YOD1: variants seen among roughly 807,000 people sequenced by gnomAD.
YOD1 encodes YOD1 deubiquitinase.
A neutral mutation model predicts 23.7 loss-of-function variants in YOD1; 17 were observed. The ratio of observed to expected loss-of-function variants is 0.72; its 90% CI spans 0.49 to 1.07. The LOEUF (loss-of-function observed/expected upper bound fraction) is 1.07, where lower values mean the gene tolerates loss of function less well. Ranked by LOEUF, YOD1 falls within the 50% of genes least tolerant of loss-of-function variation. YOD1 has a pLI of 0.00. For synonymous variants in YOD1, 191 were observed against 169.6 expected, an observed-to-expected ratio of 1.13 and a Z score of -0.98; for missense variants, 413 against 447.2, an observed-to-expected ratio of 0.92 and a Z score of 0.69.
chr1:207,050,905 C>T lies in YOD1; in HGVS notation c.126G>A (p.Arg42=), dbSNP rs1340235766. ...AGCGGAGCCGCCACATCGTGTCGGT[C>T]CGGCTGCCCACAGGCCAGGCACCCG... The part of the protein sequence containing the change: ...GPAGAWPVGS[R]TDTMWRLRCK... Residue 42 remains arginine, a synonymous_variant, in exon 1 of 2, where the codon CGG becomes CGA. Coordinates refer to ENST00000315927, the MANE Select transcript of YOD1 (RefSeq NM_018566.4). The T allele has an allele frequency of 2.5e-6, 4 of 1,606,156 alleles. 1 individual carries two copies. The South Asian group carries it at 4.4e-5, about 18-fold the overall frequency.
upstream of YOD1, among the ~76,000 whole-genome samples, chr1:207,052,479 T>C (rs77055190): frequency 4.6e-5 from 7 of 152,228 alleles, no homozygotes; most frequent in East Asian, 1.4e-3. Flanking sequence ...CTCATCAATA[T>C]GGAGAAACCC....
At chr1:207,052,184 C>T (rs776089105), upstream of YOD1, 2 of 1,612,648 alleles carry the variant, frequency 1.2e-6, no homozygotes, top group East Asian at 2.2e-5. Context: ...TGCAAACTCA[C>T]CTCCACTGTA....
In YOD1 at chr1:207,048,911, G is replaced by A. The variant is rs1202538159; in HGVS notation, c.*109C>T. On this transcript the variant is annotated 3_prime_UTR_variant, in exon 2 of 2. Coordinates refer to ENST00000315927, the MANE Select transcript of YOD1 (RefSeq NM_018566.4). ...CTTAGTGGTTTTAAGTTAAAAGGAT[G>A]GTTCAAGCATTGTATCCTTTGTTCT... 12 of 998,516 alleles carry A rather than the reference G, an allele frequency of 1.2e-5. No homozygotes were observed. Among genetic ancestry groups the A allele is most frequent in the Non-Finnish European group, 1.8e-5 (12 of 673,480 alleles). 61.9% of individuals were successfully genotyped at this position (998,516 alleles called of 1,614,324 possible).
Position 207,051,057 on chromosome 1 carries a change from T to G in YOD1, c.-27A>C, listed in dbSNP as rs1335622801. ...GCGAGAAGTTGCGGGTGGTTGCAGT[T>G]ATCGCGACGCTTCGGTGCGGCTTCT... On this transcript the variant is annotated 5_prime_UTR_variant, in exon 1 of 2. Coordinates refer to ENST00000315927, the MANE Select transcript of YOD1 (RefSeq NM_018566.4). 6.8e-7 allele frequency: 1 copy of G among 1,475,998 alleles called. No homozygotes were observed. 91.4% of individuals were successfully genotyped at this position (1,475,998 alleles called of 1,614,324 possible). A position where few individuals can be genotyped will look rare whatever the true frequency, so the allele number is the denominator to read the frequency against.
In YOD1 at chr1:207,046,427, G is replaced by A. The variant is rs1300962991; in HGVS notation, c.*2593C>T. On this transcript the variant is annotated 3_prime_UTR_variant, in exon 2 of 2. Coordinates refer to ENST00000315927, the MANE Select transcript of YOD1 (RefSeq NM_018566.4). The stretch of plus-strand genomic sequence containing the variant: ...AGCAAACCCCTGTAAATTCTGTGAG[G>A]CTTAAAAGCTTGAGTTTAGAATGAG... 2 of 151,972 alleles carry A rather than the reference G, an allele frequency of 1.3e-5. No individual in the cohort carries two copies. The highest frequency in any genetic ancestry group is 3.8e-4 in the East Asian group (2 of 5,198). 9.4% of individuals were successfully genotyped at this position (151,972 alleles called of 1,614,324 possible). A position where few individuals can be genotyped will look rare whatever the true frequency, so the allele number is the denominator to read the frequency against.
At chr1:207,052,989 G>C (rs775226539), upstream of YOD1, 1 of 152,174 alleles carries the variant, frequency 6.6e-6, no homozygotes, top group African/African-American at 2.4e-5. Context: ...CTACTCTCGC[G>C]AGAGTCAGAA....
chr1:207,049,398 T>C lies in YOD1; in HGVS notation c.669A>G (p.Ile223Met). Residue 223 changes from isoleucine (I) to methionine (M), a missense_variant, in exon 2 of 2, where the codon ATA (isoleucine) becomes ATG (methionine). Ile to Met is a conservative substitution (Grantham distance 10, BLOSUM62 1). Coordinates refer to ENST00000315927, the MANE Select transcript of YOD1 (RefSeq NM_018566.4). ...AAAACTTGGACAAAATCGATATCTCTATTGCTCCTCCCCAAGTGTCATCCC... is the reference window on the plus strand; with the variant it reads ...AAAACTTGGACAAAATCGATATCTCCATTGCTCCTCCCCAAGTGTCATCCC... ...IKRDDTWGGA[I>M]EISILSKFYQ... 1 of 1,614,170 alleles carries C rather than the reference T, an allele frequency of 6.2e-7. No individual in the cohort carries two copies. Among genetic ancestry groups the C allele is most frequent in the South Asian group, 1.1e-5 (1 of 91,088 alleles).
At chr1:207,052,243 C>T (rs1682770968), upstream of YOD1, 2 of 1,611,492 alleles carry the variant, frequency 1.2e-6, no homozygotes, top group Non-Finnish European at 1.7e-6. Context: ...CATCTTTTCA[C>T]ATCTTTCATG....
Position 207,051,094 on chromosome 1 carries a change from T to C in YOD1, c.-64A>G. 1 of 1,437,994 alleles carries C rather than the reference T, an allele frequency of 7.0e-7. No homozygotes were observed. The highest frequency in any genetic ancestry group is 1.5e-5 in the South Asian group (1 of 68,764). The allele number at this position is 1,437,994 out of a possible 1,614,324, so 89.1% of individuals were successfully genotyped here. On this transcript the variant is annotated 5_prime_UTR_variant, in exon 1 of 2. Transcript: ENST00000315927. Reference sequence around the variant, plus strand: ...TCGGTGCGGCTTCTGCCTTAGTACCTTAGCAAGCGCGAACTCTTTTAAAGT... The same window carrying C: ...TCGGTGCGGCTTCTGCCTTAGTACCCTAGCAAGCGCGAACTCTTTTAAAGT...
chr1:207,045,582 G>A lies in YOD1; in HGVS notation c.*3438C>T, dbSNP rs1386241799. The A allele has an allele frequency of 4.0e-5, 6 of 151,048 alleles. No homozygotes were observed. Among genetic ancestry groups the A allele is most frequent in the Non-Finnish European group, 8.9e-5 (6 of 67,706 alleles). The allele number at this position is 151,048 out of a possible 1,614,324, so 9.4% of individuals were successfully genotyped here. A position where few individuals can be genotyped will look rare whatever the true frequency, so the allele number is the denominator to read the frequency against. On this transcript the variant is annotated 3_prime_UTR_variant, in exon 2 of 2. Transcript: ENST00000315927. ...ACATAATTCTTAGTATGTTTAGGAA[G>A]GCCACCTGATTTGTCAAAAAAAAAA...
chr1:207,051,853 TAA>T (rs1682760829), upstream of YOD1, among the ~76,000 whole-genome samples: 2 of 152,172 alleles, frequency 1.3e-5, no homozygotes, highest in Non-Finnish European at 2.9e-5. Flanking sequence ...GCCTCGCAAA[TAA>T]AAAGTGTTCA....
rs1378747401 is a variant in YOD1, at chr1:207,046,764, A to G, written c.*2256T>C. 1 of 152,122 alleles carries G rather than the reference A, an allele frequency of 6.6e-6. No individual in the cohort carries two copies. The highest frequency in any genetic ancestry group is 2.4e-5 in the African/African-American group (1 of 41,456). The allele number at this position is 152,122 out of a possible 1,614,324, so 9.4% of individuals were successfully genotyped here. ...GTGTTCTATTCCTTTCCATTTGTTA[A>G]ATTTACCCACTGTAGAAAATATATA... is the stretch of plus-strand genomic sequence containing the variant. On this transcript the variant is annotated 3_prime_UTR_variant, in exon 2 of 2. Coordinates refer to ENST00000315927, the MANE Select transcript of YOD1 (RefSeq NM_018566.4).
chr1:207,049,348 T>C lies in YOD1; in HGVS notation c.719A>G (p.Asp240Gly). The C allele has an allele frequency of 6.2e-7, 1 of 1,614,138 alleles. No individual in the cohort carries two copies. The highest frequency in any genetic ancestry group is 8.5e-7 in the Non-Finnish European group (1 of 1,179,998). ...ACGATCAATTCTTACTGTCTGTGTA[T>C]CCACTACACATATTTCACATTGGTA... ...KFYQCEICVV[D>G]TQTVRIDRFG... The change falls in exon 2 of 2, where the codon GAT (aspartate) becomes GGT (glycine). Residue 240 changes from aspartate to glycine, a missense_variant. Transcript: ENST00000315927.
chr1:207,052,158 A>AGT, upstream of YOD1: 1 of 1,608,900 alleles, frequency 6.2e-7, no homozygotes, highest in Non-Finnish European at 8.5e-7. Context: ...AACTATGAAA[A>AGT]GTGTAGTTCA....
In YOD1 at chr1:207,049,234, G is replaced by A. The variant is rs1682673100; in HGVS notation, c.833C>T (p.Pro278Leu). 1 of 1,613,988 alleles carries A rather than the reference G, an allele frequency of 6.2e-7. No individual in the cohort carries two copies. The highest frequency in any genetic ancestry group is 8.5e-7 in the Non-Finnish European group (1 of 1,180,024). The stretch of plus-strand genomic sequence containing the variant: ...GAAAATGGTCAGAGGAGGTGTATCT[G>A]GATCAGGGAAGTTACGCTGAAGTGG... ...YDPLQRNFPD[P>L]DTPPLTIFSS... The change falls in exon 2 of 2, where the codon CCA becomes CTA. Residue 278 changes from proline to leucine, a missense_variant. Transcript: ENST00000315927.
upstream of YOD1, among the ~76,000 whole-genome samples, chr1:207,052,670 C>A (rs1406017777): frequency 6.6e-6 from 1 of 152,022 alleles, no homozygotes; most frequent in African/African-American, 2.4e-5. Flanking sequence ...AAAAACCAAA[C>A]CAAACCAAAA....
In YOD1 at chr1:207,050,987, G is replaced by A. The variant is rs765860156; in HGVS notation, c.44C>T (p.Ala15Val). 5.0e-5 allele frequency: 77 copies of A among 1,532,838 alleles called. No individual in the cohort carries two copies. The highest frequency in any genetic ancestry group is 6.5e-5 in the Non-Finnish European group (74 of 1,137,208). 95.0% of individuals were successfully genotyped at this position (1,532,838 alleles called of 1,614,324 possible). The change falls in exon 1 of 2, where the codon GCG (alanine) becomes GTG (valine). Residue 15 changes from alanine (A) to valine (V), a missense_variant. Transcript: ENST00000315927. Reference protein sequence around the residue: ...AKGRHFGVHPAPGFPGGVSQQ... With the variant: ...AKGRHFGVHPVPGFPGGVSQQ... ...GGAGACGCCGCCGGGGAAACCAGGCGCCGGGTGGACTCCAAAATGGCGACC... is the reference window on the plus strand; with the variant it reads ...GGAGACGCCGCCGGGGAAACCAGGCACCGGGTGGACTCCAAAATGGCGACC...
intron 1 of YOD1, 129 bp downstream of exon 1, chr1:207,050,557 CTA>C (rs1233261129): frequency 2.5e-6 from 3 of 1,189,428 alleles, no homozygotes; most frequent in Non-Finnish European, 3.5e-6. Context: ...GTTCTTTGAT[CTA>C]TCCTCGCCCC....
Position 207,049,585 on chromosome 1 carries a change from A to C in YOD1, c.482T>G (p.Leu161Arg). 6.2e-7 allele frequency: 1 copy of C among 1,614,228 alleles called. No individual in the cohort carries two copies. Among genetic ancestry groups the C allele is most frequent in the Non-Finnish European group, 8.5e-7 (1 of 1,180,036 alleles). Residue 161 changes from leucine (L) to arginine (R), a missense_variant, in exon 2 of 2, where the codon CTC (leucine) becomes CGC (arginine). By Grantham distance (102) the Leu-to-Arg change is moderately radical. Transcript: ENST00000315927. ...GACGACATAGTACACACTAGTAAAG[A>C]GGCAAGAGTTGTCTGCTGGGACCAC... Reference protein sequence around the residue: ...RTVVPADNSCLFTSVYYVVEG... With the variant: ...RTVVPADNSCRFTSVYYVVEG...
Sources: gnomAD v4.1 joint callset for allele counts (sites outside exome capture counted in the v4.1 genomes callset) on GRCh38, gnomAD v4.1.1 for gene constraint, MANE v1.5 for transcripts, NCBI Gene and HGNC (gene_info 2026-07-23, HGNC 2026-07-21) for gene names.